The following PRMT9 variants were observed in gnomAD, a reference collection of about 807,000 sequenced individuals.
The protein encoded by PRMT9 is protein arginine N-methyltransferase 9.
Under a neutral mutation model 83.2 loss-of-function variants are expected in PRMT9, and 59 were observed. The ratio of observed to expected loss-of-function variants is 0.71; its 90% CI spans 0.57 to 0.88. PRMT9 has a LOEUF of 0.88. Ranked by LOEUF, PRMT9 falls within the 40% of genes least tolerant of loss-of-function variation. The probability of loss-of-function intolerance (pLI) is 0.00; values close to 1 mark genes in which losing one functional copy is unlikely to be tolerated. For missense variants in PRMT9, 947 were observed against 1,021.9 expected (o/e 0.93, Z 1.00); for synonymous variants, 333 against 353.2 (o/e 0.94, Z 0.64).
chr4:147,640,905 G>C (rs187266239), intron 10 of PRMT9, among the ~76,000 whole-genome samples: 8 of 152,126 alleles, frequency 5.3e-5, no homozygotes, highest in Admixed American at 5.2e-4. Flanking sequence ...TAGAGAGACA[G>C]TCTCACTTTG....
rs33942571 is a variant in PRMT9 at position 147,659,579 on chromosome 4, C to CTTTTTTTT, written c.1146+1259_1146+1266dup. ...CCAATTTCTTTGGGCACTTTCTTTT[C>CTTTTTTTT]TTTTTTTTTTTTTTCTGAGACGGAG... On this transcript the variant is annotated intron_variant, in intron 7 of 11. Transcript: ENST00000322396. Among the ~76,000 whole-genome samples the CTTTTTTTT allele has an allele frequency of 3.5e-3, 424 of 121,452 alleles. 8 individuals carry two copies. Among genetic ancestry groups the CTTTTTTTT allele is most frequent in the Non-Finnish European group, 4.7e-3 (288 of 60,798 alleles). The allele number at this position is 121,452 out of a possible 152,430, so 79.7% of individuals were successfully genotyped here. A position where few individuals can be genotyped will look rare whatever the true frequency, so the allele number is the denominator to read the frequency against.
intron 7 of PRMT9, among the ~76,000 whole-genome samples, chr4:147,658,395 G>A (rs1284996554): frequency 1.3e-5 from 2 of 152,008 alleles, no homozygotes; most frequent in Non-Finnish European, 2.9e-5. Context: ...GTGTGTGTGT[G>A]TACAGAAAAG....
chr4:147,675,278 C>T (rs897133018), intron 2 of PRMT9, among the ~76,000 whole-genome samples: 1 of 152,246 alleles, frequency 6.6e-6, no homozygotes, highest in African/African-American at 2.4e-5. Context: ...CCGTGCCCAG[C>T]TAGAGAAACT....
chr4:147,658,946 A>G (rs963586021), intron 7 of PRMT9, among the ~76,000 whole-genome samples: 16 of 152,106 alleles, frequency 1.1e-4, no homozygotes, highest in African/African-American at 1.9e-4. Context: ...TTGGGAGGCC[A>G]AGGCGGACGG....
chr4:147,660,766 TAAAG>T, intron 7 of PRMT9, 76 bp downstream of exon 7: 2 of 881,812 alleles, frequency 2.3e-6, no homozygotes, highest in Non-Finnish European at 3.7e-6. Context: ...ACTCATAAAA[TAAAG>T]ACTGTCTGTC....
chr4:147,677,708 C>T (rs1429607135), intron 2 of PRMT9, among the ~76,000 whole-genome samples: 7 of 151,968 alleles, frequency 4.6e-5, no homozygotes, highest in Admixed American at 3.9e-4. Context: ...CTGCCTGCTT[C>T]GGCCTCCCAA....
intron 10 of PRMT9, among the ~76,000 whole-genome samples, chr4:147,640,599 T>C (rs1050679674): frequency 1.3e-5 from 2 of 152,118 alleles, no homozygotes; most frequent in Non-Finnish European, 2.9e-5. Context: ...TGACCACAGC[T>C]ACACACAAAG....
chr4:147,653,878 T>A lies in PRMT9; in HGVS notation c.2019A>T (p.Glu673Asp). The change falls in exon 9 of 12, where the codon GAA (glutamate) becomes GAT (aspartate). Residue 673 changes from glutamate to aspartate, a missense_variant. Transcript: ENST00000322396. ...VIEPSGLIQQ[E>D]IMEKAAISRC... ...TGGATATTGCAGCTTTTTCCATTATTTCCTGCTGAATGAGCCCAGATGGCT... is the reference window on the plus strand; with the variant it reads ...TGGATATTGCAGCTTTTTCCATTATATCCTGCTGAATGAGCCCAGATGGCT... 1 of 1,614,028 alleles carries A rather than the reference T, an allele frequency of 6.2e-7. No homozygotes were observed. The highest frequency in any genetic ancestry group is 8.5e-7 in the Non-Finnish European group (1 of 1,179,926).
At chr4:147,657,655 A>C in intron 8 of PRMT9, 137 bp downstream of exon 8, 1 of 687,442 alleles carries the variant, frequency 1.5e-6, no homozygotes, top group Non-Finnish European at 2.6e-6. Flanking sequence ...CTTTTGAAAA[A>C]AAATGAAGTT....
chr4:147,683,731 T>A (rs1736657341), intron 1 of PRMT9, 68 bp downstream of exon 1: 1 of 1,280,162 alleles, frequency 7.8e-7, no homozygotes, highest in Middle Eastern at 2.8e-4. Context: ...TTTTTTTTTT[T>A]TCTGTTTTTT....
chr4:147,680,582 C>A, intron 1 of PRMT9, 111 bp from the exon 2 acceptor site: 1 of 813,366 alleles, frequency 1.2e-6, no homozygotes, highest in Non-Finnish European at 2.0e-6. Flanking sequence ...ATTGAACAAT[C>A]ACCTTAAACT....
At chr4:147,671,768 T>G in intron 4 of PRMT9, 1 of 440,858 alleles carries the variant, frequency 2.3e-6, no homozygotes, top group Non-Finnish European at 4.5e-6. Context: ...TCAAAACCAA[T>G]AGATCTTTCT....
chr4:147,666,265 A>G (rs945942940), intron 6 of PRMT9, among the ~76,000 whole-genome samples: 14 of 151,934 alleles, frequency 9.2e-5, no homozygotes, highest in African/African-American at 3.4e-4. Context: ...CACCAGATAG[A>G]TTTTTTTCAA....
At chr4:147,652,454 CAA>C (rs554211414) in intron 9 of PRMT9, among the ~76,000 whole-genome samples, 2 of 142,956 alleles carry the variant, frequency 1.4e-5, no homozygotes. Context: ...CCATCTCAAA[CAA>C]AAAAAAAAAA....
chr4:147,642,261 T>C (rs1343111438), intron 10 of PRMT9, among the ~76,000 whole-genome samples: 1 of 152,012 alleles, frequency 6.6e-6, no homozygotes, highest in African/African-American at 2.4e-5. Flanking sequence ...TTTTTTGAGA[T>C]GCAGTCTCGC....
At chr4:147,639,696 A>T (rs992956319) in intron 10 of PRMT9, among the ~76,000 whole-genome samples, 3 of 152,190 alleles carry the variant, frequency 2.0e-5, no homozygotes, top group African/African-American at 7.2e-5. Flanking sequence ...CAAGTTTAGT[A>T]GCAACTGAAT....
At chr4:147,642,122 A>C (rs1733444519) in intron 10 of PRMT9, among the ~76,000 whole-genome samples, 1 of 152,222 alleles carries the variant, frequency 6.6e-6, no homozygotes, top group Non-Finnish European at 1.5e-5. Context: ...CTGAGGTCTC[A>C]ATGTAAGGGT....
At chr4:147,658,310 G>C (rs1734680402) in intron 7 of PRMT9, among the ~76,000 whole-genome samples, 1 of 151,016 alleles carries the variant, frequency 6.6e-6, no homozygotes, top group African/African-American at 2.4e-5. Context: ...GAGGGGGGTA[G>C]AGAGAGAGAG....
intron 9 of PRMT9, among the ~76,000 whole-genome samples, chr4:147,648,271 C>G (rs1226329890): frequency 6.6e-6 from 1 of 152,070 alleles, no homozygotes; most frequent in East Asian, 1.9e-4. Flanking sequence ...CACTAGCCTC[C>G]AGAGAGAGGA....
Sources: gnomAD v4.1 joint callset for allele counts (sites outside exome capture counted in the v4.1 genomes callset) on GRCh38, gnomAD v4.1.1 for gene constraint, MANE v1.5 for transcripts, NCBI Gene and HGNC (gene_info 2026-07-23, HGNC 2026-07-21) for gene names.